Variants in WIPI2 observed in about 807,000 individuals in gnomAD.
WIPI2 encodes the protein WD repeat domain, phosphoinositide interacting 2.
In WIPI2, 28 loss-of-function variants were observed where a neutral mutation model predicts 52.3. That is an observed-to-expected ratio of 0.54 (90% CI 0.40 to 0.73). The LOEUF is 0.73. Among genes scored for constraint, WIPI2 ranks in the 30% least tolerant of loss-of-function variants. WIPI2 has a pLI of 0.00. For synonymous variants in WIPI2, 268 were observed against 245.0 expected, an observed-to-expected ratio of 1.09 and a Z score of -0.88; for missense variants, 506 against 602.9, an observed-to-expected ratio of 0.84 and a Z score of 1.68.
rs776258645 is a variant in WIPI2, at chr7:5,190,432, A to G, written c.13A>G (p.Ser5Gly). 2.2e-5 allele frequency: 32 copies of G among 1,475,992 alleles called. No homozygotes were observed. Among genetic ancestry groups the G allele is most frequent in the Non-Finnish European group, 2.8e-5 (31 of 1,109,814 alleles). 91.4% of individuals were successfully genotyped at this position (1,475,992 alleles called of 1,614,324 possible). A position where few individuals can be genotyped will look rare whatever the true frequency, so the allele number is the denominator to read the frequency against. Residue 5 changes from serine (S) to glycine (G), a missense_variant, in exon 1 of 13, where the codon AGC becomes GGC. Ser to Gly is a moderately conservative substitution (Grantham distance 56). Coordinates refer to ENST00000288828, the MANE Select transcript of WIPI2 (RefSeq NM_015610.4). Reference sequence around the variant, plus strand: ...CGCGCGCCCAGCCATGAACCTGGCGAGCCAGAGCGGGGAGGCCGGCGCCGG... The same window carrying G: ...CGCGCGCCCAGCCATGAACCTGGCGGGCCAGAGCGGGGAGGCCGGCGCCGG... MNLA[S>G]QSGEAGAGQL...
At chr7:5,216,309 G>A (rs1408448013) in intron 4 of WIPI2, 4 of 315,410 alleles carry the variant, frequency 1.3e-5, no homozygotes, top group African/African-American at 2.1e-5. Flanking sequence ...GCAGTCACCT[G>A]TAATTCCAGC....
At chr7:5,204,140 G>C (rs1782179833) in intron 3 of WIPI2, among the ~76,000 whole-genome samples, 1 of 152,154 alleles carries the variant, frequency 6.6e-6, no homozygotes, top group African/African-American at 2.4e-5. Context: ...GATTGTTCTG[G>C]GTATGCGGGT....
intron 7 of WIPI2, chr7:5,218,338 C>T (rs931603368): frequency 1.3e-5 from 3 of 238,040 alleles, no homozygotes; most frequent in Non-Finnish European, 2.5e-5. Flanking sequence ...CAGTAAAGAA[C>T]CCAGACAGTG....
At chr7:5,191,296 A>T (rs1319800864) in intron 1 of WIPI2, among the ~76,000 whole-genome samples, 1 of 152,168 alleles carries the variant, frequency 6.6e-6, no homozygotes, top group Non-Finnish European at 1.5e-5. Context: ...TGCTGGGATT[A>T]CAGGTGTGAG....
intron 8 of WIPI2, 193 bp downstream of exon 8, chr7:5,222,865 T>G: frequency 1.8e-6 from 1 of 557,800 alleles, no homozygotes; most frequent in Non-Finnish European, 3.2e-6. Context: ...AAAAGCAAAT[T>G]GGGTTTTTGT....
In WIPI2 at chr7:5,227,416, T is replaced by C; in HGVS notation, c.1013+72T>C. The C allele has an allele frequency of 6.4e-7, 1 of 1,564,920 alleles. No homozygotes were observed. Among genetic ancestry groups the C allele is most frequent in the Non-Finnish European group, 8.6e-7 (1 of 1,159,626 alleles). On this transcript the variant is annotated intron_variant, in intron 10 of 12. Transcript: ENST00000288828. The surrounding 1 kb of genome is among the most constrained non-coding windows in gnomAD (Gnocchi z 8.1). ...CGAGGGGCCCAGTCCTGGCGGCTTG[T>C]GGCCCCTTCCGTGCTTCTGAACAGG...
rs572837491 is a variant in WIPI2 at position 5,222,608 on chromosome 7, G to A, written c.676G>A (p.Val226Met). The A allele has an allele frequency of 6.8e-6, 11 of 1,613,938 alleles. No individual in the cohort carries two copies. The highest frequency in any genetic ancestry group is 1.3e-5 in the African/African-American group (1 of 75,046). ...TTCTCTTTTCCTTCCACAGGGGACC[G>A]TGATTAGGGTATTTTCCATTCCAGA... ...KLATASEKGT[V>M]IRVFSIPEGQ... Residue 226 changes from valine (V) to methionine (M), a missense_variant, in exon 8 of 13, where the codon GTG becomes ATG. Val to Met is a conservative substitution (Grantham distance 21). Coordinates refer to ENST00000288828, the MANE Select transcript of WIPI2 (RefSeq NM_015610.4).
In WIPI2 at chr7:5,190,402, C is replaced by T; in HGVS notation, c.-18C>T. On this transcript the variant is annotated 5_prime_UTR_variant, in exon 1 of 13. Coordinates refer to ENST00000288828, the MANE Select transcript of WIPI2 (RefSeq NM_015610.4). ...CGCGCGCCCTCCCCGGCCGGGCCCACTCGCCGCGCGCCCAGCCATGAACCT... is the reference window on the plus strand; with the variant it reads ...CGCGCGCCCTCCCCGGCCGGGCCCATTCGCCGCGCGCCCAGCCATGAACCT... 2 of 1,385,764 alleles carry T rather than the reference C, an allele frequency of 1.4e-6. No homozygotes were observed. The allele number at this position is 1,385,764 out of a possible 1,614,324, so 85.8% of individuals were successfully genotyped here.
At position 5,193,377 on chromosome 7, in the gene WIPI2, C is replaced by T. The variant is rs1781571402; in HGVS notation, c.128+206C>T. On this transcript the variant is annotated intron_variant, in intron 2 of 12. Transcript: ENST00000288828. ...GATGTAGCAATGTCTGTTTTAAATG[C>T]CATGTCTAAAAGGGATGGAATGAAG... The T allele has an allele frequency of 1.2e-5, 16 of 1,342,980 alleles. No homozygotes were observed. In the South Asian group the frequency reaches 2.8e-4, roughly 23 times the overall value. The allele number at this position is 1,342,980 out of a possible 1,614,324, so 83.2% of individuals were successfully genotyped here. A position where few individuals can be genotyped will look rare whatever the true frequency, so the allele number is the denominator to read the frequency against.
At chr7:5,213,965 G>A (rs371378542) in intron 3 of WIPI2, among the ~76,000 whole-genome samples, 41 of 152,226 alleles carry the variant, frequency 2.7e-4, no homozygotes, top group Non-Finnish European at 4.3e-4. Context: ...GATTACAGGC[G>A]TGAGCCACCG....
intron 6 of WIPI2, 156 bp downstream of exon 6, chr7:5,217,343 C>A (rs944698811): frequency 7.7e-6 from 6 of 783,170 alleles, no homozygotes; most frequent in Non-Finnish European, 1.3e-5. Flanking sequence ...CTGGCTCTGT[C>A]GCCCATGCTG....
At chr7:5,197,651 G>A (rs1354217877) in intron 2 of WIPI2, among the ~76,000 whole-genome samples, 1 of 152,012 alleles carries the variant, frequency 6.6e-6, no homozygotes, top group Non-Finnish European at 1.5e-5. Flanking sequence ...AACTCTTCTT[G>A]GAATACATTT....
chr7:5,222,292 C>T (rs550610122), intron 7 of WIPI2, among the ~76,000 whole-genome samples: 2 of 152,280 alleles, frequency 1.3e-5, no homozygotes, highest in South Asian at 2.1e-4. Flanking sequence ...TGACTCAGAA[C>T]AATAGAATGA....
At chr7:5,196,744 A>T (rs534305616) in intron 2 of WIPI2, among the ~76,000 whole-genome samples, 2 of 152,268 alleles carry the variant, frequency 1.3e-5, no homozygotes, top group South Asian at 4.2e-4. Context: ...ACGGGCTGTT[A>T]ATGACGGCAG....
chr7:5,205,969 C>G (rs1349563007), intron 3 of WIPI2, among the ~76,000 whole-genome samples: 1 of 151,842 alleles, frequency 6.6e-6, no homozygotes, highest in African/African-American at 2.4e-5. Flanking sequence ...AGCAAATTAG[C>G]CATTTGTTAG....
In WIPI2 at chr7:5,230,458, CCACTCCCATCTGTGAACCGG is replaced by C. The variant is rs1783678135; in HGVS notation, c.1253-372_1253-353del. 6.6e-6 allele frequency among the ~76,000 whole-genome samples: 1 copy of C among 152,232 alleles called. No homozygotes were observed. Among genetic ancestry groups the C allele is most frequent in the African/African-American group, 2.4e-5 (1 of 41,462 alleles). ...CACGCAGGGCTGTGCCTGCTCGCTG[CCACTCCCATCTGTGAACCGG>C]CACTTCCAGTTCATGAGCCCACCCT... On this transcript the variant is annotated intron_variant, in intron 12 of 12. Transcript: ENST00000288828. The surrounding 1 kb of genome is among the most constrained non-coding windows in gnomAD (Gnocchi z 4.8).
At chr7:5,217,652 C>T in intron 6 of WIPI2, 1 of 467,840 alleles carries the variant, frequency 2.1e-6, no homozygotes, top group Non-Finnish European at 3.9e-6. Context: ...TCTGGATCTG[C>T]TGCGGCGTTC....
At chr7:5,222,831 A>T (rs1364486378) in intron 8 of WIPI2, 159 bp downstream of exon 8, 1 of 685,198 alleles carries the variant, frequency 1.5e-6, no homozygotes, top group African/African-American at 1.8e-5. Context: ...CGGTCTTGTC[A>T]TGGGAATTGA....
chr7:5,228,498 G>A (rs575826238), intron 11 of WIPI2, among the ~76,000 whole-genome samples: 89 of 152,342 alleles, frequency 5.8e-4, no homozygotes, highest in African/African-American at 2.1e-3. Context: ...CTTAGGTGGG[G>A]GAGAGGTGCT....
Sources: gnomAD v4.1 joint callset for allele counts (sites outside exome capture counted in the v4.1 genomes callset) on GRCh38, gnomAD v4.1.1 for gene constraint, Gnocchi (gnomAD v3.1) non-coding constraint, MANE v1.5 for transcripts, NCBI Gene and HGNC (gene_info 2026-07-23, HGNC 2026-07-21) for gene names.